Variants in PHEX observed in about 807,000 individuals in gnomAD.
The protein encoded by PHEX is phosphate regulating endopeptidase X-linked, also known as phosphate-regulating neutral endopeptidase PHEX.
In PHEX, 16 loss-of-function variants were observed where a neutral mutation model predicts 68.0. The observed-to-expected ratio is 0.24, with a 90% CI of 0.16 to 0.36. PHEX has a LOEUF of 0.36. Among genes scored for constraint, PHEX ranks in the 10% least tolerant of loss-of-function variants. PHEX has a pLI of 1.00. For missense variants in PHEX, 480 were observed against 575.5 expected, an observed-to-expected ratio of 0.83 and a Z score of 1.70; for synonymous variants, 208 against 205.1, an observed-to-expected ratio of 1.01 and a Z score of -0.12.
rs753972924 is a variant in PHEX, at chrX:22,128,851, A to AC, written c.1303-4664dup. Among the ~76,000 whole-genome samples the AC allele has an allele frequency of 3.0e-4, 27 of 89,270 alleles. 1 individual carries two copies. In the East Asian group the frequency reaches 3.4e-3, roughly 11 times the overall value. The allele number at this position is 89,270 out of a possible 115,157, so 77.5% of individuals were successfully genotyped here. On this transcript the variant is annotated intron_variant, in intron 11 of 21. Coordinates refer to ENST00000379374, the MANE Select transcript of PHEX (RefSeq NM_000444.6). ...TTATCTGAGACAGATACTTTCCAAGACCCCCCCCAACCCCCGCCCAGTGGA... is the reference window on the plus strand; with the variant it reads ...TTATCTGAGACAGATACTTTCCAAGACCCCCCCCCAACCCCCGCCCAGTGGA...
chrX:22,198,573 C>T (rs759381275), intron 15 of PHEX, among the ~76,000 whole-genome samples: 4 of 111,270 alleles, frequency 3.6e-5, no homozygotes, highest in Non-Finnish European at 7.5e-5. Context: ...GGAAGAAGCA[C>T]TGTTGTTTGG....
chrX:22,247,036 C>G (rs752644208), intron 21 of PHEX, among the ~76,000 whole-genome samples: 1 of 111,531 alleles, frequency 9.0e-6, no homozygotes, highest in East Asian at 2.8e-4. Context: ...CAGCTACAAT[C>G]AAAGTGCTGA....
At chrX:22,170,875 GTGC>G (rs1933501831) in intron 13 of PHEX, among the ~76,000 whole-genome samples, 1 of 112,441 alleles carries the variant, frequency 8.9e-6, no homozygotes, top group African/African-American at 3.2e-5. Context: ...CATGTTGGCT[GTGC>G]TTCTTTGTTT....
intron 2 of PHEX, among the ~76,000 whole-genome samples, chrX:22,040,240 G>T (rs888308000): frequency 4.4e-5 from 5 of 112,455 alleles, no homozygotes; most frequent in Admixed American, 1.9e-4. Context: ...AAAGGTTAAT[G>T]AACAAATTCA....
intron 12 of PHEX, among the ~76,000 whole-genome samples, chrX:22,150,453 C>T (rs1390494416): frequency 2.7e-5 from 3 of 111,942 alleles, no homozygotes; most frequent in Non-Finnish European, 5.6e-5. Context: ...GTCATGTGGT[C>T]TCTGTTGCAG....
At chrX:22,238,043 G>A (rs1223871882) in intron 20 of PHEX, among the ~76,000 whole-genome samples, 3 of 112,224 alleles carry the variant, frequency 2.7e-5, no homozygotes, top group African/African-American at 6.5e-5. Context: ...TTGGGAGGCC[G>A]AGGCGGGTGG....
At chrX:22,194,816 C>T (rs1042481345) in intron 15 of PHEX, among the ~76,000 whole-genome samples, 1 of 111,479 alleles carries the variant, frequency 9.0e-6, no homozygotes. Context: ...TGGGTAGCAA[C>T]GTCTCTAGAC....
intron 9 of PHEX, among the ~76,000 whole-genome samples, chrX:22,105,314 G>C (rs920687509): frequency 1.8e-5 from 2 of 112,604 alleles, no homozygotes; most frequent in African/African-American, 6.4e-5. Context: ...GAACGATGCG[G>C]AGATGGAGTT....
chrX:22,119,352 T>A (rs1310546338), intron 11 of PHEX, among the ~76,000 whole-genome samples: 1 of 111,772 alleles, frequency 8.9e-6, no homozygotes, highest in African/African-American at 3.3e-5. Flanking sequence ...TAGCTAAGCA[T>A]TTAATATTAC....
intron 15 of PHEX, among the ~76,000 whole-genome samples, chrX:22,191,048 C>A (rs1934183753): frequency 8.9e-6 from 1 of 111,867 alleles, no homozygotes; most frequent in African/African-American, 3.3e-5. Flanking sequence ...AAGACAGAGT[C>A]TCCCTCTGTC....
intron 15 of PHEX, among the ~76,000 whole-genome samples, chrX:22,207,874 A>AG (rs1934760100): frequency 9.0e-6 from 1 of 111,136 alleles, no homozygotes; most frequent in Admixed American, 9.6e-5. Context: ...TTGAAAATCC[A>AG]GGGGGTATTT....
chrX:22,093,000 T>G (rs758751175), intron 6 of PHEX, among the ~76,000 whole-genome samples: 54 of 111,332 alleles, frequency 4.9e-4, no homozygotes, highest in Non-Finnish European at 8.9e-4. Flanking sequence ...TCCACCTGCC[T>G]CAGCCTCCCA....
At position 22,250,081 on chromosome X, in the gene PHEX, T is replaced by C. The variant is rs1936527617; in HGVS notation, c.*2128T>C. On this transcript the variant is annotated 3_prime_UTR_variant, in exon 22 of 22. Transcript: ENST00000379374. The stretch of plus-strand genomic sequence containing the variant: ...TTGCTGTAACTGTTATACCGAAAAT[T>C]GTAGGTAGGATGTCCATTACTCAAA... 8.9e-6 allele frequency: 1 copy of C among 111,752 alleles called. No individual in the cohort carries two copies. 9.2% of individuals were successfully genotyped at this position (111,752 alleles called of 1,213,427 possible). A position where few individuals can be genotyped will look rare whatever the true frequency, so the allele number is the denominator to read the frequency against.
Position 22,241,515 on chromosome X carries a change from T to C in PHEX, c.2071-3818T>C, listed in dbSNP as rs188811599. Among the ~76,000 whole-genome samples, 272 of 109,957 alleles carry C rather than the reference T, an allele frequency of 2.5e-3. 1 individual carries two copies. The highest frequency in any genetic ancestry group is 2.7e-3 in the Non-Finnish European group (142 of 52,473). On this transcript the variant is annotated intron_variant, in intron 20 of 21. Transcript: ENST00000379374. ...TGGCTTTTCAAAAAGATCAACAAAA[T>C]AGACCACTAGCCAGACTAATAAAGA...
In PHEX at chrX:22,142,179, A is replaced by G. The variant is rs749748564; in HGVS notation, c.1404+8555A>G. ...AAGCAGGAGAATCGCTTGAACCCGGAAGGCGGAGGTTGCAGTGAGCCAAGA... is the reference window on the plus strand; with the variant it reads ...AAGCAGGAGAATCGCTTGAACCCGGGAGGCGGAGGTTGCAGTGAGCCAAGA... On this transcript the variant is annotated intron_variant, in intron 12 of 21. Transcript: ENST00000379374. 1.9e-4 allele frequency among the ~76,000 whole-genome samples: 21 copies of G among 111,644 alleles called. No individual in the cohort carries two copies. The South Asian group carries it at 7.4e-3, about 40-fold the overall frequency.
chrX:22,168,505 T>C (rs1403857203), intron 13 of PHEX, 116 bp downstream of exon 13: 2 of 527,343 alleles, frequency 3.8e-6, no homozygotes, highest in African/African-American at 4.6e-5. Context: ...ACACCAACTT[T>C]TGATTAATTC....
At chrX:22,057,140 AT>A (rs1433897462) in intron 3 of PHEX, among the ~76,000 whole-genome samples, 1 of 112,167 alleles carries the variant, frequency 8.9e-6, no homozygotes, top group Admixed American at 9.5e-5. Flanking sequence ...CTTTTTACTT[AT>A]TTAAATTTAG....
intron 15 of PHEX, among the ~76,000 whole-genome samples, chrX:22,204,503 C>G (rs1037284141): frequency 3.6e-5 from 4 of 111,859 alleles, no homozygotes; most frequent in Non-Finnish European, 7.5e-5. Flanking sequence ...GATTATTTGT[C>G]GAGTGGTATC....
intron 3 of PHEX, among the ~76,000 whole-genome samples, chrX:22,071,097 A>G (rs188254539): frequency 2.7e-5 from 3 of 111,716 alleles, no homozygotes; most frequent in African/African-American, 9.7e-5. Context: ...AGCACTCAAT[A>G]AATGTCCTGT....
Sources: allele counts gnomAD v4.1 joint callset (sites outside exome capture counted in the v4.1 genomes callset), GRCh38; gene constraint gnomAD v4.1.1; transcripts MANE v1.5; gene names NCBI Gene and HGNC (gene_info 2026-07-23, HGNC 2026-07-21).